Variants in FABP7 observed in about 807,000 individuals in gnomAD.
FABP7 encodes fatty acid binding protein 7, also known as fatty acid-binding protein, brain.
A neutral mutation model predicts 14.2 loss-of-function variants in FABP7; 13 were observed. The observed-to-expected ratio is 0.91, with a 90% CI of 0.59 to 1.45. The LOEUF (loss-of-function observed/expected upper bound fraction) is 1.45, where lower values mean the gene tolerates loss of function less well. Among genes scored for constraint, FABP7 ranks in the 40% most tolerant of loss-of-function variants. The pLI is 0.00. For missense variants in FABP7, 149 were observed against 157.6 expected (o/e 0.95, Z 0.29); for synonymous variants, 49 against 51.4 (o/e 0.95, Z 0.20).
At chr6:122,763,886 A>C in the FABP7 span, among the ~76,000 whole-genome samples, 14 of 152,190 alleles carry the variant, frequency 9.2e-5, no homozygotes, top group Admixed American at 5.2e-4. Flanking sequence ...AAAAGTCAGG[A>C]AACAACAGGT....
At chr6:122,772,876 T>C in the FABP7 span, among the ~76,000 whole-genome samples, 1 of 152,316 alleles carries the variant, frequency 6.6e-6, no homozygotes, top group African/African-American at 2.4e-5. Flanking sequence ...ATCCTCATCC[T>C]TCCTGGGCAG....
Position 122,783,716 on chromosome 6 carries a change from G to T in FABP7, c.349-1G>T. 6.2e-7 allele frequency: 1 copy of T among 1,602,662 alleles called. No individual in the cohort carries two copies. Among genetic ancestry groups the T allele is most frequent in the South Asian group, 1.1e-5 (1 of 88,020 alleles). On this transcript the variant is annotated splice_acceptor_variant, in intron 3 of 3. Coordinates refer to ENST00000368444, the MANE Select transcript of FABP7 (RefSeq NM_001446.5). LOFTEE classifies it high-confidence loss of function. ...ATTTGATTATCTTTTGAACCTTGCAGACCCTTACTTTTGGTGATGTGGTTG... is the reference window on the plus strand; with the variant it reads ...ATTTGATTATCTTTTGAACCTTGCATACCCTTACTTTTGGTGATGTGGTTG...
upstream of FABP7, among the ~76,000 whole-genome samples, chr6:122,775,609 T>C (rs2115138075): frequency 6.6e-6 from 1 of 152,104 alleles, no homozygotes; most frequent in Admixed American, 6.5e-5. Flanking sequence ...TGATACAGAT[T>C]TTTTAGTAAG....
At chr6:122,782,429 C>G in intron 3 of FABP7, 1 of 720,002 alleles carries the variant, frequency 1.4e-6, no homozygotes, top group Non-Finnish European at 1.7e-6. Flanking sequence ...TACTCTGATC[C>G]ATTTCTGACT....
Position 122,782,112 on chromosome 6 carries a change from C to T in FABP7, c.348+918C>T, listed in dbSNP as rs1010994391. The stretch of plus-strand genomic sequence containing the variant: ...GTTTTTTTCTCGAATGCATAATATG[C>T]CTTTTAAACATATATATTCAATACT... On this transcript the variant is annotated intron_variant, in intron 3 of 3. Transcript: ENST00000368444. 4 of 984,648 alleles carry T rather than the reference C, an allele frequency of 4.1e-6. No individual in the cohort carries two copies. In the African/African-American group the frequency reaches 7.0e-5, roughly 17 times the overall value. 61.0% of individuals were successfully genotyped at this position (984,648 alleles called of 1,614,324 possible).
the FABP7 span, among the ~76,000 whole-genome samples, chr6:122,768,385 A>G: frequency 6.6e-6 from 1 of 152,172 alleles, no homozygotes; most frequent in African/African-American, 2.4e-5. Context: ...CACATGTAAA[A>G]AAGTTAATTC....
chr6:122,760,051 G>A, the FABP7 span, among the ~76,000 whole-genome samples: 40 of 151,778 alleles, frequency 2.6e-4, no homozygotes, highest in Admixed American at 1.0e-3. Context: ...CCCAGGAGGC[G>A]GAGGTTGCCA....
intron 3 of FABP7, chr6:122,781,774 T>C: frequency 9.1e-6 from 8 of 875,626 alleles, no homozygotes; most frequent in Non-Finnish European, 1.1e-5. Flanking sequence ...AAAGTCTTGC[T>C]GTGTCACCCA....
At chr6:122,773,744 G>A in the FABP7 span, among the ~76,000 whole-genome samples, 1 of 152,126 alleles carries the variant, frequency 6.6e-6, no homozygotes, top group Non-Finnish European at 1.5e-5. Context: ...TCAAAACAAT[G>A]TTAAAACTTT....
chr6:122,778,193 C>T (rs1780706928), upstream of FABP7, among the ~76,000 whole-genome samples: 1 of 152,084 alleles, frequency 6.6e-6, no homozygotes, highest in Non-Finnish European at 1.5e-5. Context: ...AAACATTTTA[C>T]AGAGTTTGGT....
At chr6:122,764,667 T>C in the FABP7 span, among the ~76,000 whole-genome samples, 1 of 152,178 alleles carries the variant, frequency 6.6e-6, no homozygotes, top group Non-Finnish European at 1.5e-5. Flanking sequence ...GTCAAAACGA[T>C]GGCAATTTTG....
At chr6:122,769,732 T>G in the FABP7 span, among the ~76,000 whole-genome samples, 2 of 152,102 alleles carry the variant, frequency 1.3e-5, no homozygotes, top group Non-Finnish European at 2.9e-5. Context: ...ACTTCTCTGT[T>G]AACAAATTGA....
intron 3 of FABP7, 181 bp from the exon 4 acceptor site, chr6:122,783,536 G>C (rs570295917): frequency 1.0e-6 from 1 of 985,332 alleles, no homozygotes; most frequent in Non-Finnish European, 1.2e-6. Flanking sequence ...TCTCATTTCA[G>C]AGACATAAAC....
At chr6:122,766,368 CTG>C in the FABP7 span, among the ~76,000 whole-genome samples, 87 of 152,056 alleles carry the variant, frequency 5.7e-4, 1 homozygote, top group Non-Finnish European at 1.0e-3. Flanking sequence ...AGAAGAAAGA[CTG>C]TGCAGGAAAG....
chr6:122,769,343 A>C, the FABP7 span, among the ~76,000 whole-genome samples: 1 of 152,184 alleles, frequency 6.6e-6, no homozygotes, highest in Non-Finnish European at 1.5e-5. Context: ...GTCTTCAAAA[A>C]TTGCTGCTCA....
the FABP7 span, among the ~76,000 whole-genome samples, chr6:122,764,906 T>G: frequency 1.3e-5 from 2 of 152,192 alleles, no homozygotes; most frequent in Non-Finnish European, 2.9e-5. Flanking sequence ...CTGTCAAGAC[T>G]GTTGTATGCA....
At chr6:122,772,958 C>A in the FABP7 span, among the ~76,000 whole-genome samples, 2 of 152,020 alleles carry the variant, frequency 1.3e-5, no homozygotes, top group South Asian at 4.1e-4. Context: ...ACAGGTAAGC[C>A]CCTAGGGAAT....
chr6:122,776,125 A>G (rs1780668874), upstream of FABP7, among the ~76,000 whole-genome samples: 2 of 152,142 alleles, frequency 1.3e-5, no homozygotes, highest in Admixed American at 6.6e-5. Flanking sequence ...AGATTCCTCA[A>G]AAAACTTAAA....
At chr6:122,783,401 T>G in intron 3 of FABP7, 1 of 984,864 alleles carries the variant, frequency 1.0e-6, no homozygotes, top group Non-Finnish European at 1.2e-6. Flanking sequence ...TTAAAGCAGA[T>G]AGTTGAGAAA....
Sources: allele counts gnomAD v4.1 joint callset (sites outside exome capture counted in the v4.1 genomes callset), GRCh38; gene constraint gnomAD v4.1.1; transcripts MANE v1.5; gene names NCBI Gene and HGNC (gene_info 2026-07-23, HGNC 2026-07-21).